Variants in NUP188 observed in about 807,000 individuals in gnomAD.
The protein encoded by NUP188 is nucleoporin 188.
Under a neutral mutation model 223.0 loss-of-function variants are expected in NUP188, and 97 were observed. The observed-to-expected ratio is 0.43, with a 90% CI of 0.37 to 0.51. NUP188 has a LOEUF of 0.51. Ranked by LOEUF, NUP188 falls within the 20% of genes least tolerant of loss-of-function variation. The pLI is 0.00. For synonymous variants in NUP188, 869 were observed against 828.0 expected, an observed-to-expected ratio of 1.05 and a Z score of -0.85; for missense variants, 1,947 against 2,175.6, an observed-to-expected ratio of 0.89 and a Z score of 2.09.
chr9:128,977,117 ATTTTTTT>A (rs745918158), intron 12 of NUP188, among the ~76,000 whole-genome samples: 2 of 125,006 alleles, frequency 1.6e-5, no homozygotes, highest in East Asian at 2.4e-4. Flanking sequence ...TGGTACTTGG[ATTTTTTT>A]TTTTTTTTTT....
intron 12 of NUP188, among the ~76,000 whole-genome samples, chr9:128,978,556 CAAAAAAAAAAAAAAAAA>C (rs57813508): frequency 1.5e-5 from 1 of 67,640 alleles, no homozygotes; most frequent in Non-Finnish European, 2.6e-5. Context: ...GAGTGAGACT[CAAAAAAAAAAAAAAAAA>C]AAAAAAGGTA....
rs142889600 is a variant in NUP188 at position 128,998,711 on chromosome 9, G to A, written c.3515+88G>A. On this transcript the variant is annotated intron_variant, in intron 32 of 43. Coordinates refer to ENST00000372577, the MANE Select transcript of NUP188 (RefSeq NM_015354.3). ...TTCCTGAAAGGGAGAAATAGTGGGT[G>A]GAAGCTGGGCTGGTTTTCCATCTTG... is the stretch of plus-strand genomic sequence containing the variant. 3.2e-4 allele frequency: 349 copies of A among 1,076,750 alleles called. 1 individual carries two copies. In the African/African-American group the frequency reaches 4.2e-3, roughly 13 times the overall value. 66.7% of individuals were successfully genotyped at this position (1,076,750 alleles called of 1,614,324 possible).
chr9:129,001,455 G>A, intron 34 of NUP188, 74 bp from the exon 35 acceptor site: 1 of 1,459,722 alleles, frequency 6.9e-7, no homozygotes, highest in Non-Finnish European at 9.5e-7. Context: ...GGGCAACCAG[G>A]CCCACCGCTG....
chr9:128,976,306 A>G (rs1842174077), intron 12 of NUP188, among the ~76,000 whole-genome samples: 4 of 152,180 alleles, frequency 2.6e-5, no homozygotes, highest in Non-Finnish European at 1.5e-5. Flanking sequence ...TGTTTTGTAA[A>G]TTGACTAACT....
At chr9:128,948,012 T>G in intron 1 of NUP188, 7 of 353,068 alleles carry the variant, frequency 2.0e-5, no homozygotes, top group Non-Finnish European at 2.0e-5. Flanking sequence ...CAGGGCCCTT[T>G]GCCTTCCTCC....
intron 24 of NUP188, among the ~76,000 whole-genome samples, chr9:128,988,951 C>T (rs373949270): frequency 6.8e-4 from 103 of 151,936 alleles, no homozygotes; most frequent in African/African-American, 2.3e-3. Context: ...GACGAGCTTT[C>T]GCTATGTTGG....
chr9:128,961,331 GAAAAATAAAAAT>G (rs1001728738), intron 8 of NUP188, among the ~76,000 whole-genome samples: 2 of 150,406 alleles, frequency 1.3e-5, no homozygotes, highest in Non-Finnish European at 3.0e-5. Flanking sequence ...CTCTGTCTCA[GAAAAATAAAAAT>G]AAAAATAAAA....
At chr9:128,975,226 C>CTTT (rs540828761) in intron 12 of NUP188, among the ~76,000 whole-genome samples, 10 of 131,870 alleles carry the variant, frequency 7.6e-5, no homozygotes, top group Non-Finnish European at 9.6e-5. Context: ...TTTTCTTTTC[C>CTTT]TTTTTTTTTT....
At position 128,995,473 on chromosome 9, in the gene NUP188, G is replaced by A. The variant is rs768209933; in HGVS notation, c.3310G>A (p.Val1104Met). Residue 1104 changes from valine to methionine, a missense_variant, in exon 30 of 44, where the codon GTG becomes ATG. Val to Met is a conservative substitution (Grantham distance 21, BLOSUM62 1). Coordinates refer to ENST00000372577, the MANE Select transcript of NUP188 (RefSeq NM_015354.3). Reference sequence around the variant, plus strand: ...CTCCTTGTTAGAGTACCAGATGCTGGTGTCCGCCTGGAGGATGCTTCTCAT... The same window carrying A: ...CTCCTTGTTAGAGTACCAGATGCTGATGTCCGCCTGGAGGATGCTTCTCAT... ...CTSLLEYQMLVSAWRMLLIIA... is the reference protein window; with the variant it reads ...CTSLLEYQMLMSAWRMLLIIA... The A allele has an allele frequency of 6.2e-7, 1 of 1,610,198 alleles. No individual in the cohort carries two copies. Among genetic ancestry groups the A allele is most frequent in the South Asian group, 1.1e-5 (1 of 90,484 alleles).
intron 30 of NUP188, among the ~76,000 whole-genome samples, chr9:128,997,422 G>A (rs1452705144): frequency 1.3e-5 from 2 of 152,202 alleles, no homozygotes; most frequent in Non-Finnish European, 2.9e-5. Flanking sequence ...CAAAGAGGAG[G>A]TGAACCTGGG....
rs768128559 is a variant in NUP188, at chr9:129,006,629, A to G, written c.5201A>G (p.Glu1734Gly). Reference protein sequence around the residue: ...SLSKASPESQEPLIQLVQAFV... With the variant: ...SLSKASPESQGPLIQLVQAFV... ...TCCAAAGCCAGCCCTGAGAGTCAGG[A>G]GCCTCTGATCCAGTTGGTGCAGGCG... Residue 1734 changes from glutamate (E) to glycine (G), a missense_variant, in exon 44 of 44, where the codon GAG becomes GGG. Around this residue, in one of 3 missense-constraint regions of NUP188, gnomAD observed 905 missense variants for 990.6 expected, o/e 0.91. Transcript: ENST00000372577. 1 of 1,614,134 alleles carries G rather than the reference A, an allele frequency of 6.2e-7. No homozygotes were observed. The highest frequency in any genetic ancestry group is 8.5e-7 in the Non-Finnish European group (1 of 1,180,020).
At chr9:128,968,267 G>T (rs1411681685) in intron 8 of NUP188, among the ~76,000 whole-genome samples, 9 of 150,820 alleles carry the variant, frequency 6.0e-5, no homozygotes, top group Admixed American at 5.3e-4. Context: ...CAAAAAATCT[G>T]TCTCTTAAAA....
rs770351061 is a variant in NUP188, at chr9:128,958,887, C to T, written c.458C>T (p.Pro153Leu). The T allele has an allele frequency of 2.5e-5, 40 of 1,590,084 alleles. No individual in the cohort carries two copies. The highest frequency in any genetic ancestry group is 3.4e-5 in the Non-Finnish European group (39 of 1,163,668). The change falls in exon 7 of 44, where the codon CCC (proline) becomes CTC (leucine). Residue 153 changes from proline to leucine, a missense_variant. By Grantham distance (98) the Pro-to-Leu change is moderately conservative (BLOSUM62 -3). This residue lies in a region of NUP188 where 817 missense variants were observed against 865.8 expected (regional missense o/e 0.94). Transcript: ENST00000372577. The part of the protein sequence containing the change: ...LLTYFQDERH[P>L]YRVEYADCVD... ...ACTTACTTCCAAGATGAAAGACACC[C>T]CTATAGGGTAAGCTTGTTTAGTCCT...
intron 3 of NUP188, among the ~76,000 whole-genome samples, chr9:128,955,704 C>T (rs1395177968): frequency 6.6e-6 from 1 of 151,778 alleles, no homozygotes; most frequent in Non-Finnish European, 1.5e-5. Context: ...CCCTTTTGTA[C>T]TTCTTTTCAC....
intron 8 of NUP188, among the ~76,000 whole-genome samples, chr9:128,967,687 G>A (rs1218080206): frequency 1.3e-5 from 2 of 152,158 alleles, no homozygotes; most frequent in African/African-American, 4.8e-5. Flanking sequence ...CTACTCGGGA[G>A]GCTGAGGCAG....
intron 19 of NUP188, among the ~76,000 whole-genome samples, chr9:128,984,138 T>TTTTTTTTTTTTTTTTTTTTTTTTTG (rs1842297708): frequency 6.9e-6 from 1 of 144,956 alleles, no homozygotes; most frequent in Non-Finnish European, 1.5e-5. Flanking sequence ...TTTTTTTTTT[T>TTTTTTTTTTTTTTTTTTTTTTTTTG]TTTTTGAGAT....
chr9:129,006,552 C>A lies in NUP188; in HGVS notation c.5124C>A (p.Ser1708Arg). The A allele has an allele frequency of 6.2e-7, 1 of 1,614,186 alleles. No individual in the cohort carries two copies. Reference sequence around the variant, plus strand: ...GCTACTTCCGCCGGGGAGCCCCCAGCTCCCCTGCCACTGGTGTCCTCCCCT... The same window carrying A: ...GCTACTTCCGCCGGGGAGCCCCCAGATCCCCTGCCACTGGTGTCCTCCCCT... Reference protein sequence around the residue: ...LSRYFRRGAPSSPATGVLPSP... With the variant: ...LSRYFRRGAPRSPATGVLPSP... The change falls in exon 44 of 44, where the codon AGC becomes AGA. Residue 1708 changes from serine to arginine, a missense_variant. Ser to Arg is a moderately radical substitution (Grantham distance 110). Coordinates refer to ENST00000372577, the MANE Select transcript of NUP188 (RefSeq NM_015354.3).
At position 129,001,187 on chromosome 9, in the gene NUP188, G is replaced by A. The variant is rs188406559; in HGVS notation, c.3844-342G>A. On this transcript the variant is annotated intron_variant, in intron 34 of 43. Transcript: ENST00000372577. Reference sequence around the variant, plus strand: ...GGTGGCATCGGGCAGGGTCGTAGGGGTCCCTCAGACTCCATGTGGCAGAGT... The same window carrying A: ...GGTGGCATCGGGCAGGGTCGTAGGGATCCCTCAGACTCCATGTGGCAGAGT... 2.3e-3 allele frequency among the ~76,000 whole-genome samples: 355 copies of A among 151,978 alleles called. 4 individuals carry two copies. The highest frequency in any genetic ancestry group is 0.014 in the Middle Eastern group (4 of 294).
chr9:128,954,061 C>T (rs1162674667), intron 3 of NUP188, among the ~76,000 whole-genome samples: 2 of 152,100 alleles, frequency 1.3e-5, no homozygotes, highest in East Asian at 1.9e-4. Context: ...AACTCCTGAT[C>T]TCAAGTGATC....
Sources: allele counts gnomAD v4.1 joint callset (sites outside exome capture counted in the v4.1 genomes callset), GRCh38; gene constraint gnomAD v4.1.1; regional missense constraint gnomAD v4.1.1; transcripts MANE v1.5; gene names NCBI Gene and HGNC (gene_info 2026-07-23, HGNC 2026-07-21).